The following ZNF664 variants were observed in gnomAD, a reference collection of about 807,000 sequenced individuals.
ZNF664 encodes the protein zinc finger protein 664.
In ZNF664, 10 loss-of-function variants were observed where a neutral mutation model predicts 18.2. The observed-to-expected ratio is 0.55, with a 90% CI of 0.34 to 0.93. The LOEUF (loss-of-function observed/expected upper bound fraction) is 0.93, where lower values mean the gene tolerates loss of function less well. Among genes scored for constraint, ZNF664 ranks in the 40% least tolerant of loss-of-function variants. The pLI, the probability that ZNF664 is intolerant of heterozygous loss-of-function variation, is 0.02. For missense variants in ZNF664, 193 were observed against 319.0 expected, an observed-to-expected ratio of 0.61 and a Z score of 3.01; for synonymous variants, 119 against 104.2, an observed-to-expected ratio of 1.14 and a Z score of -0.86.
chr12:123,980,932 CT>C (rs978033220), intron 2 of ZNF664, among the ~76,000 whole-genome samples: 7 of 148,562 alleles, frequency 4.7e-5, no homozygotes, highest in South Asian at 2.1e-4. Context: ...GACATGAGCA[CT>C]TTTTTTTTTG....
At chr12:123,983,733 C>T (rs1956792975) in intron 2 of ZNF664, among the ~76,000 whole-genome samples, 1 of 152,088 alleles carries the variant, frequency 6.6e-6, no homozygotes, top group African/African-American at 2.4e-5. Context: ...TAGGATTGAG[C>T]CTGATGGGGG....
rs370763374 is a variant in ZNF664 at position 124,002,021 on chromosome 12, AGTGGTAAT to A, written c.-660-9357_-660-9350del. On this transcript the variant is annotated intron_variant, in intron 3 of 4. Coordinates refer to ENST00000337815, the MANE Select transcript of ZNF664 (RefSeq NM_152437.3). ...ATGAGCACAATAATTCCAGGCAGTAAGTGGTAATGTTCTGTACAAAAGTTAAATTAAGC... is the reference window on the plus strand; with the variant it reads ...ATGAGCACAATAATTCCAGGCAGTAAGTTCTGTACAAAAGTTAAATTAAGC... 4.8e-3 allele frequency among the ~76,000 whole-genome samples: 729 copies of A among 152,328 alleles called. 3 individuals carry two copies. The highest frequency in any genetic ancestry group is 0.017 in the African/African-American group (688 of 41,560).
At chr12:123,999,811 G>A (rs1173498099) in intron 3 of ZNF664, among the ~76,000 whole-genome samples, 2 of 152,292 alleles carry the variant, frequency 1.3e-5, no homozygotes, top group South Asian at 2.1e-4. Context: ...TCCCTTTTCT[G>A]TGTGGCATTT....
chr12:124,008,704 A>G (rs1957101060), intron 3 of ZNF664, among the ~76,000 whole-genome samples: 1 of 152,068 alleles, frequency 6.6e-6, no homozygotes, highest in East Asian at 1.9e-4. Flanking sequence ...TTTCTTCCCC[A>G]TTCTCTACAG....
At chr12:123,989,754 A>G (rs1209148200) in intron 3 of ZNF664, among the ~76,000 whole-genome samples, 2 of 152,146 alleles carry the variant, frequency 1.3e-5, no homozygotes, top group East Asian at 1.9e-4. Context: ...TACTGGATCA[A>G]CCTCCAGTGC....
intron 3 of ZNF664, among the ~76,000 whole-genome samples, chr12:123,999,620 T>C (rs1035891514): frequency 9.2e-5 from 14 of 152,198 alleles, no homozygotes; most frequent in African/African-American, 3.1e-4. Context: ...TTTCAGATAA[T>C]GTATTCAAGA....
intron 3 of ZNF664, among the ~76,000 whole-genome samples, chr12:124,004,579 CA>C (rs1957048781): frequency 6.6e-6 from 1 of 152,174 alleles, no homozygotes; most frequent in African/African-American, 2.4e-5. Context: ...TTTTCTAAGC[CA>C]GGGGTCCCCA....
intron 3 of ZNF664, among the ~76,000 whole-genome samples, chr12:124,003,244 T>A (rs1364123093): frequency 1.3e-5 from 2 of 152,026 alleles, no homozygotes; most frequent in African/African-American, 2.4e-5. Context: ...CAGGATTCCA[T>A]TTGGAGAAGG....
Position 124,011,333 on chromosome 12 carries a change from A to G in ZNF664, c.-660-48A>G, listed in dbSNP as rs960425095. ...ATGAGTTATTGTAATTGGATTATAT[A>G]CTTGAGCTGTAAACAGGAGCATGAT... is the stretch of plus-strand genomic sequence containing the variant. On this transcript the variant is annotated intron_variant, in intron 3 of 4. Transcript: ENST00000337815. 2.2e-5 allele frequency: 21 copies of G among 961,868 alleles called. No individual in the cohort carries two copies. The African/African-American group carries it at 2.2e-4, about 10-fold the overall frequency. The allele number at this position is 961,868 out of a possible 1,614,324, so 59.6% of individuals were successfully genotyped here.
chr12:123,996,563 C>T (rs1280611604), intron 3 of ZNF664, among the ~76,000 whole-genome samples: 1 of 152,166 alleles, frequency 6.6e-6, no homozygotes, highest in African/African-American at 2.4e-5. Flanking sequence ...CAGATTATGG[C>T]TTTGCCTGTG....
At chr12:123,997,411 C>G (rs964885820) in intron 3 of ZNF664, among the ~76,000 whole-genome samples, 1 of 152,188 alleles carries the variant, frequency 6.6e-6, no homozygotes, top group Non-Finnish European at 1.5e-5. Context: ...GGCTGGAATT[C>G]TGGATTAAGG....
At chr12:123,976,036 G>A (rs1956687415) in intron 2 of ZNF664, among the ~76,000 whole-genome samples, 1 of 152,164 alleles carries the variant, frequency 6.6e-6, no homozygotes, top group Non-Finnish European at 1.5e-5. Flanking sequence ...ACGATTAGGG[G>A]CTTTTTATGT....
In ZNF664 at chr12:124,009,885, C is replaced by CT. The variant is rs11337740; in HGVS notation, c.-660-1481dup. Among the ~76,000 whole-genome samples the CT allele has an allele frequency of 1.1e-3, 162 of 143,764 alleles. 1 individual carries two copies. The highest frequency in any genetic ancestry group is 4.1e-3 in the South Asian group (18 of 4,436). The allele number at this position is 143,764 out of a possible 152,430, so 94.3% of individuals were successfully genotyped here. On this transcript the variant is annotated intron_variant, in intron 3 of 4. Coordinates refer to ENST00000337815, the MANE Select transcript of ZNF664 (RefSeq NM_152437.3). ...GCATAGAACATATACTATTGTGTAC[C>CT]TTTTTTTTTTTTTTTAACTTAACAG... is the stretch of plus-strand genomic sequence containing the variant.
At chr12:123,998,381 GTTT>G (rs1427222044) in intron 3 of ZNF664, 2 of 152,162 alleles carry the variant, frequency 1.3e-5, no homozygotes, top group African/African-American at 2.4e-5. Context: ...TAACTGTAAT[GTTT>G]ATATTTTTTC....
Position 123,973,370 on chromosome 12 carries a change from G to A in ZNF664, c.-892+18G>A, listed in dbSNP as rs1956618689. On this transcript the variant is annotated intron_variant, in intron 1 of 4. Coordinates refer to ENST00000337815, the MANE Select transcript of ZNF664 (RefSeq NM_152437.3). ...CACTTGGAGTGAGTTCTCGGCGGCC[G>A]GGCTGCAGTCTTTCTTTCTTTCCCG... 5 of 964,370 alleles carry A rather than the reference G, an allele frequency of 5.2e-6. No individual in the cohort carries two copies. The highest frequency in any genetic ancestry group is 6.1e-6 in the Non-Finnish European group (5 of 817,444). The allele number at this position is 964,370 out of a possible 1,614,324, so 59.7% of individuals were successfully genotyped here.
chr12:123,978,089 A>G (rs988633354), intron 2 of ZNF664, among the ~76,000 whole-genome samples: 8 of 152,190 alleles, frequency 5.3e-5, no homozygotes, highest in African/African-American at 1.7e-4. Context: ...AGCTGCTGCT[A>G]TTAGAAACAA....
rs898224289 is a variant in ZNF664 at position 124,014,683 on chromosome 12, C to G, written c.*1753C>G. 14 of 167,014 alleles carry G rather than the reference C, an allele frequency of 8.4e-5. No homozygotes were observed. Among genetic ancestry groups the G allele is most frequent in the African/African-American group, 3.4e-4 (14 of 41,410 alleles). The allele number at this position is 167,014 out of a possible 1,614,324, so 10.3% of individuals were successfully genotyped here. On this transcript the variant is annotated 3_prime_UTR_variant, in exon 5 of 5. Transcript: ENST00000337815. ...GAAAATGAACTACTCAAGATAGTCACGAAAATACTGAAAGTTTGATTTTTC... is the reference window on the plus strand; with the variant it reads ...GAAAATGAACTACTCAAGATAGTCAGGAAAATACTGAAAGTTTGATTTTTC...
In ZNF664 at chr12:123,973,937, ACC is replaced by A; in HGVS notation, c.-837_-836del. The A allele has an allele frequency of 8.1e-7, 1 of 1,231,806 alleles. No individual in the cohort carries two copies. Among genetic ancestry groups the A allele is most frequent in the Non-Finnish European group, 1.0e-6 (1 of 988,054 alleles). 76.3% of individuals were successfully genotyped at this position (1,231,806 alleles called of 1,614,324 possible). On this transcript the variant is annotated 5_prime_UTR_variant, in exon 2 of 5. The change abolishes the stop of an existing upstream ORF in the 5' untranslated region. Transcript: ENST00000337815. ...GAGCATCCCGCTCAGGTGATGAGGA[ACC>A]CCTCGCGCACCCAGCGCAGAAGGCT...
At chr12:123,974,736 G>A (rs1294480655) in intron 2 of ZNF664, among the ~76,000 whole-genome samples, 3 of 152,120 alleles carry the variant, frequency 2.0e-5, no homozygotes, top group Non-Finnish European at 4.4e-5. Context: ...CTTTAACAAG[G>A]ACTGTTGCAC....
Sources: gnomAD v4.1 joint callset for allele counts (sites outside exome capture counted in the v4.1 genomes callset) on GRCh38, gnomAD v4.1.1 for gene constraint, MANE v1.5 for transcripts, NCBI Gene and HGNC (gene_info 2026-07-23, HGNC 2026-07-21) for gene names.